The following SLC7A2 variants were observed in gnomAD, a reference collection of about 807,000 sequenced individuals.
SLC7A2 encodes cationic amino acid transporter 2.
SLC7A2 carries 48 observed loss-of-function variants against 58.9 expected under a neutral mutation model. The ratio of observed to expected loss-of-function variants is 0.82; its 90% CI spans 0.65 to 1.04. The LOEUF (loss-of-function observed/expected upper bound fraction) is 1.04. Ranked by LOEUF, SLC7A2 falls within the 50% of genes least tolerant of loss-of-function variation. SLC7A2 has a pLI of 0.00. For missense variants in SLC7A2, 1,029 were observed against 818.8 expected (o/e 1.26, Z -3.13); for synonymous variants, 363 against 314.5 (o/e 1.15, Z -1.63).
chr8:17,529,493 A>T (rs2588223), intron 2 of SLC7A2, among the ~76,000 whole-genome samples: 81,806 of 151,520 alleles, frequency 0.54, 22,660 homozygotes, highest in Non-Finnish European at 0.61. Flanking sequence ...CTCAGTCTCT[A>T]CGGAGGGACA....
rs1802804875 is a variant in SLC7A2 at position 17,558,324 on chromosome 8, G to A, written c.1225G>A (p.Ala409Thr). 2 of 1,613,124 alleles carry A rather than the reference G, an allele frequency of 1.2e-6. No homozygotes were observed. Among genetic ancestry groups the A allele is most frequent in the African/African-American group, 1.3e-5 (1 of 74,820 alleles). The change falls in exon 9 of 13, where the codon GCG (alanine) becomes ACG (threonine). Residue 409 changes from alanine (A) to threonine (T), a missense_variant. Transcript: ENST00000494857. ...GATGGCCTTTCTGTTTGACCTGAAG[G>A]CGCTTGTGGACATGATGTCCATTGG... ...ALMAFLFDLK[A>T]LVDMMSIGTL...
chr8:17,557,337 A>C (rs1334703360), intron 8 of SLC7A2, among the ~76,000 whole-genome samples: 6 of 152,182 alleles, frequency 3.9e-5, no homozygotes. Context: ...TGCTTAGTGG[A>C]AGTTAAGCTA....
chr8:17,495,160 A>G (rs534190280), upstream of SLC7A2, among the ~76,000 whole-genome samples: 40 of 152,322 alleles, frequency 2.6e-4, no homozygotes, highest in South Asian at 1.2e-3. Context: ...ATTTTAATCA[A>G]TGTTGACCAG....
chr8:17,565,309 A>G lies in SLC7A2; in HGVS notation c.*163A>G, dbSNP rs7842106. 0.068 allele frequency: 40,784 copies of G among 602,224 alleles called. 3,510 individuals are homozygous for G. Among genetic ancestry groups the G allele is most frequent in the African/African-American group, 0.31 (16,838 of 53,886 alleles). 37.3% of individuals were successfully genotyped at this position (602,224 alleles called of 1,614,324 possible). The stretch of plus-strand genomic sequence containing the variant: ...CTGGACAGCATCTCCTCAGATGGTG[A>G]ATTATGTGCACGGGGAAACCTCCTG... On this transcript the variant is annotated 3_prime_UTR_variant, in exon 13 of 13. Transcript: ENST00000494857.
chr8:17,555,220 C>A, intron 8 of SLC7A2: 2 of 749,216 alleles, frequency 2.7e-6, no homozygotes, highest in South Asian at 2.4e-5. Flanking sequence ...AGTATACAAG[C>A]ATTGGGATTA....
chr8:17,566,685 G>A lies in SLC7A2; in HGVS notation c.*1539G>A, dbSNP rs1387034731. 6.6e-6 allele frequency: 1 copy of A among 152,166 alleles called. No individual in the cohort carries two copies. The highest frequency in any genetic ancestry group is 1.5e-5 in the Non-Finnish European group (1 of 68,024). The allele number at this position is 152,166 out of a possible 1,614,324, so 9.4% of individuals were successfully genotyped here. On this transcript the variant is annotated 3_prime_UTR_variant, in exon 13 of 13. Transcript: ENST00000494857. ...TAAATGAGTAAACAAATTTTTACAT[G>A]TAAGATTCTCTAATTGTCATATTTT...
chr8:17,505,729 G>A (rs187336005), intron 2 of SLC7A2, among the ~76,000 whole-genome samples: 38 of 152,210 alleles, frequency 2.5e-4, no homozygotes, highest in Non-Finnish European at 4.4e-5. Flanking sequence ...TAAAATTGGA[G>A]CATCTTTAGT....
rs910022526 is a variant in SLC7A2, at chr8:17,503,328, G to A, written c.-23+1026G>A. On this transcript the variant is annotated intron_variant, in intron 2 of 12. Transcript: ENST00000494857. ...GCCTCCCAAAGTGCTGGGATTACAGGTGTGAGCCACCGCGCCCGGCTGAAA... is the reference window on the plus strand; with the variant it reads ...GCCTCCCAAAGTGCTGGGATTACAGATGTGAGCCACCGCGCCCGGCTGAAA... Among the ~76,000 whole-genome samples, 7 of 152,094 alleles carry A rather than the reference G, an allele frequency of 4.6e-5. 1 individual carries two copies. Among genetic ancestry groups the A allele is most frequent in the African/African-American group, 1.4e-4 (6 of 41,388 alleles).
At chr8:17,547,441 G>GGACA (rs1802227023) in intron 4 of SLC7A2, among the ~76,000 whole-genome samples, 1 of 151,514 alleles carries the variant, frequency 6.6e-6, no homozygotes, top group Non-Finnish European at 1.5e-5. Flanking sequence ...ATTTGGGTGG[G>GGACA]GACACAGCCA....
At chr8:17,548,161 C>T (rs769797576) in intron 4 of SLC7A2, among the ~76,000 whole-genome samples, 5 of 151,932 alleles carry the variant, frequency 3.3e-5, no homozygotes, top group African/African-American at 9.7e-5. Context: ...GCCAGCATGG[C>T]GAAACCCCAA....
At chr8:17,514,065 T>C (rs1407633293) in intron 2 of SLC7A2, among the ~76,000 whole-genome samples, 1 of 152,192 alleles carries the variant, frequency 6.6e-6, no homozygotes. Context: ...AGTTCTTCTC[T>C]ACAAGGGTAT....
rs1802073007 is a variant in SLC7A2 at position 17,544,544 on chromosome 8, A to G, written c.470A>G (p.Asn157Ser). The G allele has an allele frequency of 1.9e-6, 3 of 1,614,078 alleles. No homozygotes were observed. The highest frequency in any genetic ancestry group is 2.5e-6 in the Non-Finnish European group (3 of 1,179,970). Reference sequence around the variant, plus strand: ...TTTTTGAGGACATACTTCAGAATGAATTACACTGGTCTTGCAGAATATCCC... The same window carrying G: ...TTTTTGAGGACATACTTCAGAATGAGTTACACTGGTCTTGCAGAATATCCC... ...GQFLRTYFRM[N>S]YTGLAEYPDF... The change falls in exon 4 of 13, where the codon AAT becomes AGT. Residue 157 changes from asparagine (N) to serine (S), a missense_variant. Physicochemically the swap from Asn to Ser is conservative, Grantham distance 46. Transcript: ENST00000494857.
intron 2 of SLC7A2, among the ~76,000 whole-genome samples, chr8:17,542,711 C>T (rs62498011): frequency 0.13 from 20,408 of 151,722 alleles, 1,867 homozygotes; most frequent in Non-Finnish European, 0.2. Flanking sequence ...AGACAGAACC[C>T]AAAAGATGAG....
chr8:17,503,170 C>A (rs1389570028), intron 2 of SLC7A2, among the ~76,000 whole-genome samples: 2 of 152,022 alleles, frequency 1.3e-5, no homozygotes, highest in Non-Finnish European at 2.9e-5. Flanking sequence ...CCTGCCTCAG[C>A]CTCCCGAGTA....
chr8:17,509,795 T>C (rs775084042), intron 2 of SLC7A2, among the ~76,000 whole-genome samples: 2 of 152,190 alleles, frequency 1.3e-5, no homozygotes, highest in South Asian at 2.1e-4. Context: ...ATCTTCCACG[T>C]CTCTAAAGAC....
chr8:17,564,255 A>G (rs529107675), intron 12 of SLC7A2, among the ~76,000 whole-genome samples: 71 of 152,322 alleles, frequency 4.7e-4, no homozygotes, highest in African/African-American at 1.6e-3. Flanking sequence ...TTAGGGTATA[A>G]TTTGAGACTT....
rs1236266367 is a variant in SLC7A2 at position 17,544,514 on chromosome 8, G to A, written c.440G>A (p.Gly147Asp). Residue 147 changes from glycine to aspartate, a missense_variant, in exon 4 of 13, where the codon GGT becomes GAT. Gly to Asp is a moderately conservative substitution (Grantham distance 94). Coordinates refer to ENST00000494857, the MANE Select transcript of SLC7A2 (RefSeq NM_001370338.1). Reference sequence around the variant, plus strand: ...GATGAACTTCTTAGCAAACAGATTGGTCAGTTTTTGAGGACATACTTCAGA... The same window carrying A: ...GATGAACTTCTTAGCAAACAGATTGATCAGTTTTTGAGGACATACTTCAGA... ...TFDELLSKQI[G>D]QFLRTYFRMN... 1 of 1,613,844 alleles carries A rather than the reference G, an allele frequency of 6.2e-7. No individual in the cohort carries two copies. The highest frequency in any genetic ancestry group is 8.5e-7 in the Non-Finnish European group (1 of 1,179,900).
rs193272383 is a variant in SLC7A2, at chr8:17,530,208, T to G, written c.-22-13110T>G. Among the ~76,000 whole-genome samples, 15 of 152,230 alleles carry G rather than the reference T, an allele frequency of 9.9e-5. No individual in the cohort carries two copies. In the East Asian group the frequency reaches 2.5e-3, roughly 26 times the overall value. ...CCCCCATCCCCGGTCCGCCGCTGCT[T>G]CTTTGAGTCAGAAGGAAAGCTCAGG... On this transcript the variant is annotated intron_variant, in intron 2 of 12. Transcript: ENST00000494857.
At position 17,562,202 on chromosome 8, in the gene SLC7A2, TTTTTTTTTTTTTTG is replaced by T. The variant is rs1214226683; in HGVS notation, c.1671+93_1671+106del. ...AGTATTTTTTTTTTTTTTTTTTTTTTTTTTTTTTTTTTTGGAGATGGAATCTCTCTCTTTGTCAC... is the reference window on the plus strand; with the variant it reads ...AGTATTTTTTTTTTTTTTTTTTTTTTGAGATGGAATCTCTCTCTTTGTCAC... On this transcript the variant is annotated intron_variant, in intron 11 of 12. Coordinates refer to ENST00000494857, the MANE Select transcript of SLC7A2 (RefSeq NM_001370338.1). 13 of 342,022 alleles carry T rather than the reference TTTTTTTTTTTTTTG, an allele frequency of 3.8e-5. No homozygotes were observed. In the East Asian group the frequency reaches 5.1e-4, roughly 13 times the overall value. 21.2% of individuals were successfully genotyped at this position (342,022 alleles called of 1,614,324 possible). A position where few individuals can be genotyped will look rare whatever the true frequency, so the allele number is the denominator to read the frequency against.
Sources: gnomAD v4.1 joint callset for allele counts (sites outside exome capture counted in the v4.1 genomes callset) on GRCh38, gnomAD v4.1.1 for gene constraint, MANE v1.5 for transcripts, NCBI Gene and HGNC (gene_info 2026-07-23, HGNC 2026-07-21) for gene names.